Variants in TPD52L2 observed in about 807,000 individuals in gnomAD.
The protein encoded by TPD52L2 is tumor protein D54.
TPD52L2 carries 19 observed loss-of-function variants against 24.7 expected under a neutral mutation model. The ratio of observed to expected loss-of-function variants is 0.77; its 90% CI spans 0.54 to 1.13. TPD52L2 has a LOEUF of 1.13. Among genes scored for constraint, TPD52L2 ranks in the 50% most tolerant of loss-of-function variants. The pLI, the probability that TPD52L2 is intolerant of heterozygous loss-of-function variation, is 0.00. For synonymous variants in TPD52L2, 104 were observed against 100.2 expected (o/e 1.04, Z -0.23); for missense variants, 236 against 250.4 (o/e 0.94, Z 0.39).
At chr20:63,887,286 AAAAGCC>A in intron 5 of TPD52L2, 1 of 567,522 alleles carries the variant, frequency 1.8e-6, no homozygotes, top group South Asian at 2.0e-5. Context: ...AATACTTTTC[AAAAGCC>A]CAAGCCTGGT....
In TPD52L2 at chr20:63,890,189, G is replaced by A; in HGVS notation, c.*244G>A. 2.2e-6 allele frequency: 2 copies of A among 905,728 alleles called. No individual in the cohort carries two copies. The highest frequency in any genetic ancestry group is 3.2e-6 in the Non-Finnish European group (2 of 618,314). The allele number at this position is 905,728 out of a possible 1,614,324, so 56.1% of individuals were successfully genotyped here. On this transcript the variant is annotated 3_prime_UTR_variant, in exon 7 of 7. Transcript: ENST00000346249. Reference sequence around the variant, plus strand: ...CAGATCACTGTGCTGTCCTTCCTAGGGGTGCAGGAAGTGGACAGGGCGGAG... The same window carrying A: ...CAGATCACTGTGCTGTCCTTCCTAGAGGTGCAGGAAGTGGACAGGGCGGAG...
intron 5 of TPD52L2, chr20:63,888,898 T>C (rs948691008): frequency 9.9e-6 from 5 of 506,828 alleles, no homozygotes; most frequent in African/African-American, 3.8e-5. Flanking sequence ...GGGATGTCCC[T>C]GTAGGGTATG....
At position 63,878,330 on chromosome 20, in the gene TPD52L2, T is replaced by C. The variant is rs549345820; in HGVS notation, c.374+2455T>C. Reference sequence around the variant, plus strand: ...TCTGAATGCGAGAGCAGCTGTGTTCTGCGAGTGGTGAAACAATTGCCTGTT... The same window carrying C: ...TCTGAATGCGAGAGCAGCTGTGTTCCGCGAGTGGTGAAACAATTGCCTGTT... On this transcript the variant is annotated intron_variant, in intron 4 of 6. Transcript: ENST00000346249. 7.9e-5 allele frequency among the ~76,000 whole-genome samples: 12 copies of C among 152,346 alleles called. No individual in the cohort carries two copies. In the South Asian group the frequency reaches 2.5e-3, roughly 32 times the overall value.
rs762020542 is a variant in TPD52L2, at chr20:63,873,835, C to T, written c.314+19C>T. On this transcript the variant is annotated intron_variant, in intron 3 of 6. Transcript: ENST00000346249. ...CTAGCGCGTAGGTACCTGCCCCAGG[C>T]GCACCCCTGGGGGCTGAAGAGAACG... 3.9e-5 allele frequency: 59 copies of T among 1,495,202 alleles called. No individual in the cohort carries two copies. Among genetic ancestry groups the T allele is most frequent in the Middle Eastern group, 1.9e-4 (1 of 5,384 alleles). The allele number at this position is 1,495,202 out of a possible 1,614,324, so 92.6% of individuals were successfully genotyped here. A position where few individuals can be genotyped will look rare whatever the true frequency, so the allele number is the denominator to read the frequency against.
At chr20:63,873,997 G>A (rs891953728) in intron 3 of TPD52L2, among the ~76,000 whole-genome samples, 181 bp downstream of exon 3, 10 of 152,126 alleles carry the variant, frequency 6.6e-5, no homozygotes, top group Non-Finnish European at 5.9e-5. Context: ...TGCCTTGTTT[G>A]TTCAAAAAGC....
At chr20:63,887,206 T>C (rs1224417252) in intron 5 of TPD52L2, 2 of 385,990 alleles carry the variant, frequency 5.2e-6, no homozygotes, top group African/African-American at 4.2e-5. Context: ...TTTCTTGTGT[T>C]TTTACTTGAC....
intron 4 of TPD52L2, among the ~76,000 whole-genome samples, chr20:63,881,221 C>A (rs903196670): frequency 6.6e-6 from 1 of 151,944 alleles, no homozygotes; most frequent in Non-Finnish European, 1.5e-5. Context: ...TTTAGCAGGG[C>A]GTGGTGGTGG....
Position 63,874,676 on chromosome 20 carries a change from A to G in TPD52L2, c.314+860A>G, listed in dbSNP as rs181537853. ...ACGTGTGAGCCACCACATCCGGCTTATATACGTGTTCTAAAAAGGCAGACA... is the reference window on the plus strand; with the variant it reads ...ACGTGTGAGCCACCACATCCGGCTTGTATACGTGTTCTAAAAAGGCAGACA... On this transcript the variant is annotated intron_variant, in intron 3 of 6. Coordinates refer to ENST00000346249, the MANE Select transcript of TPD52L2 (RefSeq NM_003288.4). 4.1e-3 allele frequency among the ~76,000 whole-genome samples: 623 copies of G among 152,256 alleles called. 3 individuals carry two copies. Among genetic ancestry groups the G allele is most frequent in the Admixed American group, 3.9e-3 (59 of 15,288 alleles).
In TPD52L2 at chr20:63,877,020, TTTTG is replaced by T. The variant is rs777960353; in HGVS notation, c.374+1154_374+1157del. The stretch of plus-strand genomic sequence containing the variant: ...TTCATGGCATGTTGCCCTGGGTTTT[TTTTG>T]TTTGTTTGGTTTTTTTTTTGAGACA... On this transcript the variant is annotated intron_variant, in intron 4 of 6. Transcript: ENST00000346249. The surrounding 1 kb of genome is among the most constrained non-coding windows in gnomAD (Gnocchi z 4.1). The T allele has an allele frequency of 1.8e-3, 787 of 444,406 alleles. 2 individuals carry two copies. Among genetic ancestry groups the T allele is most frequent in the African/African-American group, 3.7e-3 (184 of 49,168 alleles). The allele number at this position is 444,406 out of a possible 1,614,324, so 27.5% of individuals were successfully genotyped here.
rs1568937614 is a variant in TPD52L2, at chr20:63,869,166, CAGAGA to C, written c.20-125_20-121del. On this transcript the variant is annotated intron_variant, in intron 1 of 6. Coordinates refer to ENST00000346249, the MANE Select transcript of TPD52L2 (RefSeq NM_003288.4). Reference sequence around the variant, plus strand: ...GCCCATGCTGTCCTCACAGACCTTTCAGAGAAGAGGTGTTAGTCTCCAGGGTCTCA... The same window carrying C: ...GCCCATGCTGTCCTCACAGACCTTTCAGAGGTGTTAGTCTCCAGGGTCTCA... 1.1e-5 allele frequency: 11 copies of C among 1,030,030 alleles called. No individual in the cohort carries two copies. In the South Asian group the frequency reaches 1.3e-4, roughly 12 times the overall value. 63.8% of individuals were successfully genotyped at this position (1,030,030 alleles called of 1,614,324 possible). A position where few individuals can be genotyped will look rare whatever the true frequency, so the allele number is the denominator to read the frequency against.
chr20:63,869,112 G>C (rs1027564311), intron 1 of TPD52L2, among the ~76,000 whole-genome samples, 184 bp from the exon 2 acceptor site: 1 of 152,174 alleles, frequency 6.6e-6, no homozygotes, highest in Admixed American at 6.5e-5. Flanking sequence ...CAGCTCAGGT[G>C]GTCTGAGGTG....
At position 63,889,258 on chromosome 20, in the gene TPD52L2, TTGA is replaced by T. The variant is rs1373159463; in HGVS notation, c.525+23_525+25del. On this transcript the variant is annotated intron_variant, in intron 6 of 6. Coordinates refer to ENST00000346249, the MANE Select transcript of TPD52L2 (RefSeq NM_003288.4). ...ATAAAGGTAATTGTACCTGGACTGT[TTGA>T]TGGTCTTGGCAAGGTGTGACCTGTT... The T allele has an allele frequency of 2.5e-6, 4 of 1,608,730 alleles. No individual in the cohort carries two copies. Among genetic ancestry groups the T allele is most frequent in the Non-Finnish European group, 3.4e-6 (4 of 1,176,190 alleles).
intron 5 of TPD52L2, among the ~76,000 whole-genome samples, chr20:63,885,291 G>A (rs2053050305): frequency 6.6e-6 from 1 of 152,198 alleles, no homozygotes; most frequent in Non-Finnish European, 1.5e-5. Flanking sequence ...GTCAGAGTGG[G>A]GGTTTACAGC....
chr20:63,882,706 G>A lies in TPD52L2; in HGVS notation c.375-13G>A, dbSNP rs1342712070. 13 of 1,605,546 alleles carry A rather than the reference G, an allele frequency of 8.1e-6. No individual in the cohort carries two copies. The highest frequency in any genetic ancestry group is 1.0e-5 in the Non-Finnish European group (12 of 1,172,228). On this transcript the variant is annotated splice_polypyrimidine_tract_variant and intron_variant, in intron 4 of 6. Coordinates refer to ENST00000346249, the MANE Select transcript of TPD52L2 (RefSeq NM_003288.4). ...CCATGCTGTCTGGTTGATTTAACTG[G>A]TGTGTCTTCCAGCTACAAGAAGACT...
intron 5 of TPD52L2, among the ~76,000 whole-genome samples, chr20:63,885,750 G>T (rs1462571408): frequency 2.0e-5 from 3 of 152,230 alleles, no homozygotes; most frequent in Non-Finnish European, 4.4e-5. Context: ...GGGGCCTCTT[G>T]GGCACAGCCG....
In TPD52L2 at chr20:63,875,152, A is replaced by ATAT. The variant is rs1555873182; in HGVS notation, c.315-664_315-663insTAT. On this transcript the variant is annotated intron_variant, in intron 3 of 6. Coordinates refer to ENST00000346249, the MANE Select transcript of TPD52L2 (RefSeq NM_003288.4). ...GCAAGACTCTGTCTCAAAAAAAAAA[A>ATAT]ATATATATATATATATATTTATATA... is the stretch of plus-strand genomic sequence containing the variant. 4.2e-5 allele frequency among the ~76,000 whole-genome samples: 6 copies of ATAT among 141,750 alleles called. No individual in the cohort carries two copies. The East Asian group carries it at 6.3e-4, about 15-fold the overall frequency. 93.0% of individuals were successfully genotyped at this position (141,750 alleles called of 152,430 possible).
intron 3 of TPD52L2, among the ~76,000 whole-genome samples, chr20:63,875,403 C>T (rs1238263634): frequency 6.6e-6 from 1 of 152,168 alleles, no homozygotes; most frequent in Non-Finnish European, 1.5e-5. Flanking sequence ...AGACATGTTC[C>T]TATACAAAGA....
At chr20:63,886,556 T>A (rs1038327423) in intron 5 of TPD52L2, among the ~76,000 whole-genome samples, 2 of 151,648 alleles carry the variant, frequency 1.3e-5, no homozygotes, top group African/African-American at 4.8e-5. Context: ...AGAGACGGGG[T>A]TTCACCGTGG....
chr20:63,889,256 G>A lies in TPD52L2; in HGVS notation c.525+18G>A. 6.2e-7 allele frequency: 1 copy of A among 1,609,664 alleles called. No individual in the cohort carries two copies. The highest frequency in any genetic ancestry group is 8.5e-7 in the Non-Finnish European group (1 of 1,176,954). ...CCATAAAGGTAATTGTACCTGGACT[G>A]TTTGATGGTCTTGGCAAGGTGTGAC... On this transcript the variant is annotated intron_variant, in intron 6 of 6. Transcript: ENST00000346249.
Sources: allele counts gnomAD v4.1 joint callset (sites outside exome capture counted in the v4.1 genomes callset), GRCh38; gene constraint gnomAD v4.1.1; non-coding constraint Gnocchi (gnomAD v3.1); transcripts MANE v1.5; gene names NCBI Gene and HGNC (gene_info 2026-07-23, HGNC 2026-07-21).